The following GRB10 variants were observed in gnomAD, a reference collection of about 807,000 sequenced individuals.
The protein encoded by GRB10 is growth factor receptor bound protein 10.
GRB10 carries 20 observed loss-of-function variants against 80.9 expected under a neutral mutation model. That is an observed-to-expected ratio of 0.25 (90% confidence interval 0.17 to 0.36). GRB10 has a LOEUF of 0.36. GRB10 is among the 10% of genes least tolerant of loss of function. GRB10 has a pLI of 1.00. For missense variants in GRB10, 548 were observed against 747.7 expected (o/e 0.73, Z 3.12); for synonymous variants, 291 against 291.5 (o/e 1.00, Z 0.02).
intron 2 of GRB10, among the ~76,000 whole-genome samples, chr7:50,756,433 C>A (rs1300990264): frequency 6.6e-6 from 1 of 152,250 alleles, no homozygotes; most frequent in Non-Finnish European, 1.5e-5. Flanking sequence ...TCCTCCCAGG[C>A]TACAACCTTC....
At chr7:50,733,819 T>C (rs1171355061) in intron 3 of GRB10, among the ~76,000 whole-genome samples, 3 of 152,182 alleles carry the variant, frequency 2.0e-5, no homozygotes, top group South Asian at 2.1e-4. Flanking sequence ...AGGTATTCTG[T>C]AGGTGTGGTT....
chr7:50,595,467 G>T lies in GRB10; in HGVS notation c.1608C>A (p.His536Gln). Residue 536 changes from histidine (H) to glutamine (Q), a missense_variant, in exon 18 of 19, where the codon CAC (histidine) becomes CAA (glutamine). By Grantham distance (24) the His-to-Gln change is conservative. Coordinates refer to ENST00000401949, the MANE Select transcript of GRB10 (RefSeq NM_001350814.2). ...PKAFVLTLCH[H>Q]QKIKNFQILP... is the part of the protein sequence containing the mutation. ...AGATCTGGAAATTTTTAATTTTCTG[G>T]TGATGACACAGTGTGAGTACAAATG... The T allele has an allele frequency of 6.2e-7, 1 of 1,605,766 alleles. No homozygotes were observed. The highest frequency in any genetic ancestry group is 1.3e-5 in the African/African-American group (1 of 74,826).
At chr7:50,735,976 C>T (rs886581633) in intron 3 of GRB10, among the ~76,000 whole-genome samples, 2 of 152,194 alleles carry the variant, frequency 1.3e-5, no homozygotes, top group Non-Finnish European at 2.9e-5. Flanking sequence ...ACGGAGAACT[C>T]ACACTTCCCG....
chr7:50,662,110 T>A (rs905439679), intron 7 of GRB10, among the ~76,000 whole-genome samples: 3 of 152,210 alleles, frequency 2.0e-5, no homozygotes, highest in Admixed American at 6.5e-5. Context: ...TTACCTGCAA[T>A]GTTGTGGAGT....
chr7:50,593,668 A>G (rs116263181), intron 18 of GRB10, among the ~76,000 whole-genome samples: 4,293 of 152,314 alleles, frequency 0.028, 178 homozygotes, highest in African/African-American at 0.097. Context: ...TCTCCCAGAG[A>G]GAATCATATT....
intron 5 of GRB10, among the ~76,000 whole-genome samples, chr7:50,699,993 G>A (rs542603200): frequency 6.6e-6 from 1 of 152,164 alleles, no homozygotes; most frequent in Non-Finnish European, 1.5e-5. Context: ...AAAAAAATTA[G>A]CCGGGCGTGG....
rs545354571 is a variant in GRB10, at chr7:50,732,204, C to A, written c.51+68G>T. On this transcript the variant is annotated intron_variant, in intron 4 of 18. Transcript: ENST00000401949. ...TACAGAAACGATCCATGGCTGCTGGCGACATGTGTGCCCTGGCCCTCGACC... is the reference window on the plus strand; with the variant it reads ...TACAGAAACGATCCATGGCTGCTGGAGACATGTGTGCCCTGGCCCTCGACC... 8.7e-6 allele frequency: 13 copies of A among 1,490,424 alleles called. No homozygotes were observed. The African/African-American group carries it at 1.2e-4, about 14-fold the overall frequency. The allele number at this position is 1,490,424 out of a possible 1,614,324, so 92.3% of individuals were successfully genotyped here. A position where few individuals can be genotyped will look rare whatever the true frequency, so the allele number is the denominator to read the frequency against.
chr7:50,630,596 A>G (rs1396621441), intron 7 of GRB10, among the ~76,000 whole-genome samples: 1 of 152,252 alleles, frequency 6.6e-6, no homozygotes, highest in Non-Finnish European at 1.5e-5. Flanking sequence ...GTTCTGAGAA[A>G]GCAAACCTCA....
intron 4 of GRB10, among the ~76,000 whole-genome samples, chr7:50,718,488 T>C (rs921337496): frequency 6.6e-6 from 1 of 152,106 alleles, no homozygotes. Context: ...CGGCTCAGGC[T>C]GCTCACTGCT....
chr7:50,730,598 AT>A (rs1300053780), intron 4 of GRB10, among the ~76,000 whole-genome samples: 2 of 152,172 alleles, frequency 1.3e-5, no homozygotes, highest in Admixed American at 6.5e-5. Flanking sequence ...AGCAATGAGT[AT>A]TTCCTCAAAG....
chr7:50,635,251 G>A (rs749091262), intron 7 of GRB10, among the ~76,000 whole-genome samples: 6 of 152,042 alleles, frequency 3.9e-5, no homozygotes, highest in Admixed American at 1.3e-4. Context: ...GTACAAATAC[G>A]TGGAAACTAA....
chr7:50,711,130 G>T (rs1452798377), intron 4 of GRB10: 4 of 525,560 alleles, frequency 7.6e-6, no homozygotes, highest in Admixed American at 3.1e-5. Context: ...GCTTAACAGG[G>T]ATCAACTTTA....
At position 50,612,772 on chromosome 7, in the gene GRB10, G is replaced by A. The variant is rs376744657; in HGVS notation, c.1163C>T (p.Thr388Met). 9.9e-6 allele frequency: 16 copies of A among 1,613,768 alleles called. 2 individuals are homozygous for A. The highest frequency in any genetic ancestry group is 9.9e-5 in the South Asian group (9 of 91,058). The change falls in exon 13 of 19, where the codon ACG (threonine) becomes ATG (methionine). Residue 388 changes from threonine (T) to methionine (M), a missense_variant. Thr to Met is a moderately conservative substitution (Grantham distance 81). Coordinates refer to ENST00000401949, the MANE Select transcript of GRB10 (RefSeq NM_001350814.2). ...GAGTCTGAACGCTGTCATCCAGCAC[G>A]TCCTGGTTTGCTCGTCCTCTGCACA... ...LLCAEDEQTR[T>M]CWMTAFRLLK...
At chr7:50,713,622 C>T (rs1262506639) in intron 4 of GRB10, among the ~76,000 whole-genome samples, 1 of 132,336 alleles carries the variant, frequency 7.6e-6, no homozygotes, top group Non-Finnish European at 1.7e-5. Context: ...CCTCCACCTC[C>T]TCCACCATCA....
chr7:50,741,089 GAAGC>G (rs1450681716), intron 3 of GRB10, among the ~76,000 whole-genome samples: 2 of 152,188 alleles, frequency 1.3e-5, no homozygotes, highest in African/African-American at 2.4e-5. Flanking sequence ...GCTAAAATTA[GAAGC>G]AAGTTTAATA....
chr7:50,725,738 G>A (rs1381469814), intron 4 of GRB10, among the ~76,000 whole-genome samples: 1 of 152,146 alleles, frequency 6.6e-6, no homozygotes, highest in Non-Finnish European at 1.5e-5. Context: ...AACAGAAGTG[G>A]GATATAGGTA....
At chr7:50,706,971 G>A (rs2065127046) in intron 4 of GRB10, among the ~76,000 whole-genome samples, 4 of 152,198 alleles carry the variant, frequency 2.6e-5, no homozygotes, top group South Asian at 2.1e-4. Flanking sequence ...AGCTTTTTAC[G>A]CAGTAGGCAA....
intron 7 of GRB10, among the ~76,000 whole-genome samples, chr7:50,646,759 C>T (rs1390669454): frequency 6.6e-6 from 1 of 152,196 alleles, no homozygotes; most frequent in African/African-American, 2.4e-5. Context: ...GCTTCTAATG[C>T]ATTCATGTTC....
At chr7:50,771,529 C>G (rs2076978938) in intron 2 of GRB10, among the ~76,000 whole-genome samples, 1 of 152,170 alleles carries the variant, frequency 6.6e-6, no homozygotes, top group Non-Finnish European at 1.5e-5. Flanking sequence ...GGACGGACTG[C>G]CCCCCTGGGG....
Sources: allele counts gnomAD v4.1 joint callset (sites outside exome capture counted in the v4.1 genomes callset), GRCh38; gene constraint gnomAD v4.1.1; transcripts MANE v1.5; gene names NCBI Gene and HGNC (gene_info 2026-07-23, HGNC 2026-07-21).